Variants in ADAMTSL1 observed in about 807,000 individuals in gnomAD.
The protein encoded by ADAMTSL1 is ADAMTS like 1.
ADAMTSL1 carries 126 observed loss-of-function variants against 201.8 expected under a neutral mutation model. That is an observed-to-expected ratio of 0.62 (90% CI 0.54 to 0.72). The LOEUF (loss-of-function observed/expected upper bound fraction) is 0.72, where lower values mean the gene tolerates loss of function less well. Among genes scored for constraint, ADAMTSL1 ranks in the 30% least tolerant of loss-of-function variants. The probability of loss-of-function intolerance (pLI) is 0.00; values close to 1 mark genes in which losing one functional copy is unlikely to be tolerated. For synonymous variants in ADAMTSL1, 1,121 were observed against 903.4 expected (o/e 1.24, Z -4.32); for missense variants, 2,679 against 2,277.8 (o/e 1.18, Z -3.59).
intron 15 of ADAMTSL1, among the ~76,000 whole-genome samples, chr9:18,722,166 A>T (rs1833432688): frequency 6.6e-6 from 1 of 152,170 alleles, no homozygotes; most frequent in South Asian, 2.1e-4. Flanking sequence ...CACATGCGTA[A>T]AATCAATTAG....
intron 27 of ADAMTSL1, 72 bp from the exon 28 acceptor site, chr9:18,906,620 C>A: frequency 8.0e-7 from 1 of 1,251,524 alleles, no homozygotes; most frequent in Non-Finnish European, 1.1e-6. Context: ...GAGTTTGCAG[C>A]ACTATTTTCA....
At position 18,155,226 on chromosome 9, in the gene ADAMTSL1, T is replaced by C. The variant is rs71506858; in HGVS notation, c.88-8636T>C. Among the ~76,000 whole-genome samples the C allele has an allele frequency of 7.1e-3, 1,079 of 152,174 alleles. 6 individuals carry two copies. Among genetic ancestry groups the C allele is most frequent in the Non-Finnish European group, 0.012 (823 of 67,964 alleles). On this transcript the variant is annotated intron_variant, in intron 1 of 29. Coordinates refer to the ADAMTSL1 transcript ENST00000680146. Reference sequence around the variant, plus strand: ...GGTTTGTGAAACAATGTGAGTTAGATTGCCCAGGAAATGATTTAATTTACT... The same window carrying C: ...GGTTTGTGAAACAATGTGAGTTAGACTGCCCAGGAAATGATTTAATTTACT...
chr9:18,835,631 A>T (rs529993070), intron 23 of ADAMTSL1, among the ~76,000 whole-genome samples: 1 of 152,104 alleles, frequency 6.6e-6, no homozygotes, highest in African/African-American at 2.4e-5. Flanking sequence ...ATAGTACCCA[A>T]TAGTTTTTCA....
intron 1 of ADAMTSL1, among the ~76,000 whole-genome samples, chr9:18,154,664 C>A (rs1827072506): frequency 6.6e-6 from 1 of 151,902 alleles, no homozygotes; most frequent in African/African-American, 2.4e-5. Flanking sequence ...GATTCTCTTC[C>A]CCCGAGGAAT....
chr9:18,564,817 A>T (rs1821772404), intron 3 of ADAMTSL1, among the ~76,000 whole-genome samples: 1 of 152,202 alleles, frequency 6.6e-6, no homozygotes, highest in African/African-American at 2.4e-5. Flanking sequence ...ATTGGAGTGA[A>T]TTCAAAGAAA....
At chr9:18,331,032 C>T (rs1451252892) in intron 2 of ADAMTSL1, among the ~76,000 whole-genome samples, 3 of 152,056 alleles carry the variant, frequency 2.0e-5, no homozygotes, top group Non-Finnish European at 2.9e-5. Flanking sequence ...ATAGTCAGGG[C>T]ATATTTCACG....
intron 15 of ADAMTSL1, among the ~76,000 whole-genome samples, chr9:18,748,625 G>A (rs1819277781): frequency 6.6e-6 from 1 of 152,144 alleles, no homozygotes; most frequent in Admixed American, 6.5e-5. Flanking sequence ...CAGTTGTGTA[G>A]AGGACATAAC....
At chr9:17,956,435 C>A (rs577876087) in intron 1 of ADAMTSL1, among the ~76,000 whole-genome samples, 1 of 152,098 alleles carries the variant, frequency 6.6e-6, no homozygotes, top group Non-Finnish European at 1.5e-5. Flanking sequence ...TGACATGTAA[C>A]GATTAGAAAT....
chr9:17,934,341 C>T (rs1463548205), intron 1 of ADAMTSL1, among the ~76,000 whole-genome samples: 2 of 152,166 alleles, frequency 1.3e-5, no homozygotes, highest in Non-Finnish European at 2.9e-5. Flanking sequence ...ATCTCTGGGA[C>T]CTACAAGCCA....
At chr9:17,963,283 T>C (rs1441912983) in intron 1 of ADAMTSL1, among the ~76,000 whole-genome samples, 1 of 152,192 alleles carries the variant, frequency 6.6e-6, no homozygotes, top group Non-Finnish European at 1.5e-5. Context: ...TGCTTTATCA[T>C]ATATTTATTC....
intron 2 of ADAMTSL1, among the ~76,000 whole-genome samples, chr9:18,277,019 G>T (rs920905158): frequency 9.9e-5 from 15 of 152,086 alleles, no homozygotes; most frequent in African/African-American, 3.4e-4. Flanking sequence ...GGCTATTCAA[G>T]AACATGTTTG....
intron 2 of ADAMTSL1, among the ~76,000 whole-genome samples, chr9:18,441,984 G>A (rs1437221708): frequency 1.3e-5 from 2 of 152,112 alleles, no homozygotes; most frequent in African/African-American, 4.8e-5. Context: ...TGGCTACTTT[G>A]GGATGGCTGG....
At chr9:18,342,504 C>T (rs1221770691) in intron 2 of ADAMTSL1, among the ~76,000 whole-genome samples, 1 of 152,150 alleles carries the variant, frequency 6.6e-6, no homozygotes, top group Non-Finnish European at 1.5e-5. Flanking sequence ...ATTTTAGTTA[C>T]ATCTCTCTAA....
At chr9:18,694,925 T>C (rs994924391) in intron 13 of ADAMTSL1, among the ~76,000 whole-genome samples, 2 of 152,254 alleles carry the variant, frequency 1.3e-5, no homozygotes, top group African/African-American at 4.8e-5. Flanking sequence ...CTCTGAAATC[T>C]AGGCAGAGCC....
intron 2 of ADAMTSL1, among the ~76,000 whole-genome samples, chr9:18,509,172 C>G (rs897620821): frequency 1.5e-5 from 1 of 65,190 alleles, no homozygotes; most frequent in African/African-American, 8.0e-5. Flanking sequence ...GCCTGGGCGA[C>G]AGAGCGAGAC....
At chr9:18,035,155 A>T (rs1821137192) in intron 1 of ADAMTSL1, among the ~76,000 whole-genome samples, 2 of 152,218 alleles carry the variant, frequency 1.3e-5, no homozygotes, top group Non-Finnish European at 2.9e-5. Flanking sequence ...ATGTTACTAA[A>T]CATGGGACTG....
At chr9:17,936,315 A>G (rs1827007287) in intron 1 of ADAMTSL1, among the ~76,000 whole-genome samples, 1 of 152,130 alleles carries the variant, frequency 6.6e-6, no homozygotes, top group Non-Finnish European at 1.5e-5. Context: ...TTTTTAAATT[A>G]TGACTCTTTT....
chr9:18,408,867 T>C (rs938456696), intron 2 of ADAMTSL1, among the ~76,000 whole-genome samples: 6 of 152,228 alleles, frequency 3.9e-5, no homozygotes, highest in East Asian at 1.9e-4. Flanking sequence ...ATAATTGTGC[T>C]AACTGAACCT....
intron 1 of ADAMTSL1, among the ~76,000 whole-genome samples, chr9:18,022,619 G>A (rs1174230328): frequency 1.3e-5 from 2 of 152,006 alleles, no homozygotes; most frequent in African/African-American, 4.8e-5. Context: ...TGTGTACAAG[G>A]CTTGTGAATT....
Sources: allele counts gnomAD v4.1 joint callset (sites outside exome capture counted in the v4.1 genomes callset), GRCh38; gene constraint gnomAD v4.1.1; transcripts MANE v1.5; gene names NCBI Gene and HGNC (gene_info 2026-07-23, HGNC 2026-07-21).